Variants in MCPH1 observed in about 807,000 individuals in gnomAD.
MCPH1 encodes the protein microcephalin 1, also known as microcephalin.
In MCPH1, 104 loss-of-function variants were observed where a neutral mutation model predicts 84.5. That is an observed-to-expected ratio of 1.23 (90% CI 1.05 to 1.45). MCPH1 has a LOEUF of 1.45. Among genes scored for constraint, MCPH1 ranks in the 40% most tolerant of loss-of-function variants. The pLI is 0.00. For synonymous variants in MCPH1, 514 were observed against 366.8 expected, an observed-to-expected ratio of 1.40 and a Z score of -4.58; for missense variants, 1,498 against 1,005.7, an observed-to-expected ratio of 1.49 and a Z score of -6.62.
chr8:6,615,422 C>A (rs768368818), intron 12 of MCPH1, among the ~76,000 whole-genome samples: 1 of 152,186 alleles, frequency 6.6e-6, no homozygotes, highest in African/African-American at 2.4e-5. Context: ...GTTCACTTAA[C>A]GACACAACGA....
chr8:6,516,695 C>T (rs929304633), intron 12 of MCPH1, among the ~76,000 whole-genome samples: 1 of 152,164 alleles, frequency 6.6e-6, no homozygotes, highest in Non-Finnish European at 1.5e-5. Context: ...GAAGTTAATT[C>T]TGTATCCTAA....
intron 12 of MCPH1, among the ~76,000 whole-genome samples, chr8:6,559,340 C>T (rs866845573): frequency 4.6e-5 from 7 of 152,044 alleles, no homozygotes; most frequent in South Asian, 2.1e-4. Flanking sequence ...CTCCCAGTGA[C>T]GGCAGCTATG....
chr8:6,538,375 C>T (rs559721098), intron 12 of MCPH1, among the ~76,000 whole-genome samples: 4 of 152,366 alleles, frequency 2.6e-5, no homozygotes, highest in Admixed American at 2.6e-4. Context: ...CCCAGCTGCT[C>T]TCCTTTCATC....
intron 11 of MCPH1, among the ~76,000 whole-genome samples, chr8:6,483,620 C>G (rs560378832): frequency 6.6e-6 from 1 of 152,150 alleles, no homozygotes; most frequent in Non-Finnish European, 1.5e-5. Context: ...AAGGAACCTT[C>G]CCAACACTTT....
chr8:6,550,567 T>C (rs1384096768), intron 12 of MCPH1, among the ~76,000 whole-genome samples: 1 of 152,002 alleles, frequency 6.6e-6, no homozygotes, highest in Non-Finnish European at 1.5e-5. Context: ...GGGTGAGGGG[T>C]GTGCTTCTGG....
chr8:6,592,963 G>C (rs1828627264), intron 12 of MCPH1, among the ~76,000 whole-genome samples: 2 of 151,440 alleles, frequency 1.3e-5, no homozygotes, highest in South Asian at 2.1e-4. Flanking sequence ...CACCGTGCCA[G>C]GCCGGCTCTT....
intron 12 of MCPH1, chr8:6,532,619 T>C (rs1819740179): frequency 4.6e-6 from 3 of 657,276 alleles, no homozygotes; most frequent in Non-Finnish European, 6.8e-6. Context: ...TACCTTGCCT[T>C]CCTTTTGGAA....
intron 12 of MCPH1, among the ~76,000 whole-genome samples, chr8:6,515,040 C>G (rs1223202496): frequency 6.6e-6 from 1 of 152,190 alleles, no homozygotes; most frequent in African/African-American, 2.4e-5. Context: ...TTGTCATCAT[C>G]TGTTCCAGGC....
At chr8:6,423,692 C>G (rs1299964101) in intron 3 of MCPH1, among the ~76,000 whole-genome samples, 2 of 152,000 alleles carry the variant, frequency 1.3e-5, no homozygotes, top group Non-Finnish European at 2.9e-5. Context: ...ATAAATCTTT[C>G]CATAGGTTTA....
At chr8:6,501,874 G>T (rs1812264715) in intron 12 of MCPH1, 1 of 150,710 alleles carries the variant, frequency 6.6e-6, no homozygotes, top group African/African-American at 2.4e-5. Flanking sequence ...TCAAATTTTT[G>T]GTAAATATTT....
chr8:6,588,268 G>C (rs558962068), intron 12 of MCPH1, among the ~76,000 whole-genome samples: 1 of 152,134 alleles, frequency 6.6e-6, no homozygotes, highest in Non-Finnish European at 1.5e-5. Flanking sequence ...TCCAGAGCCA[G>C]GCCAGCCCAG....
chr8:6,426,416 C>T (rs2129553359), intron 3 of MCPH1, among the ~76,000 whole-genome samples: 1 of 152,324 alleles, frequency 6.6e-6, no homozygotes, highest in Non-Finnish European at 1.5e-5. Flanking sequence ...GTCACCAATT[C>T]TGGGGCTTCA....
chr8:6,627,343 G>A (rs1177678808), intron 13 of MCPH1: 5 of 959,284 alleles, frequency 5.2e-6, no homozygotes, highest in Admixed American at 6.2e-5. Flanking sequence ...GAGTGAGGAC[G>A]GGGACTGCCC....
intron 13 of MCPH1, among the ~76,000 whole-genome samples, chr8:6,640,527 G>A (rs144784445): frequency 6.6e-4 from 101 of 152,282 alleles, no homozygotes; most frequent in African/African-American, 2.4e-3. Flanking sequence ...TCCCTTAACT[G>A]TTTTGAAATT....
chr8:6,556,372 C>T (rs1824608588), intron 12 of MCPH1, among the ~76,000 whole-genome samples: 1 of 152,112 alleles, frequency 6.6e-6, no homozygotes, highest in Non-Finnish European at 1.5e-5. Context: ...ATAGGAATAG[C>T]AACCATTGAG....
chr8:6,461,325 CTTTT>C (rs11419705), intron 9 of MCPH1, among the ~76,000 whole-genome samples: 2 of 110,998 alleles, frequency 1.8e-5, no homozygotes, highest in Non-Finnish European at 1.7e-5. Context: ...TTTGTTGAGA[CTTTT>C]TTTTTTTTTT....
At chr8:6,478,038 T>C (rs895190526) in intron 10 of MCPH1, among the ~76,000 whole-genome samples, 1 of 152,238 alleles carries the variant, frequency 6.6e-6, no homozygotes, top group African/African-American at 2.4e-5. Flanking sequence ...AATAGCTTGT[T>C]GGCATGCTCT....
intron 12 of MCPH1, among the ~76,000 whole-genome samples, chr8:6,522,734 A>T (rs989945430): frequency 3.3e-5 from 5 of 151,668 alleles, no homozygotes; most frequent in African/African-American, 1.2e-4. Flanking sequence ...AGATTATGCC[A>T]TTGCACTCCA....
intron 12 of MCPH1, chr8:6,521,364 G>A: frequency 6.2e-7 from 1 of 1,613,510 alleles, no homozygotes; most frequent in Non-Finnish European, 8.5e-7. Context: ...GACTGTAGTT[G>A]GATGATGTGC....
Sources: allele counts gnomAD v4.1 joint callset (sites outside exome capture counted in the v4.1 genomes callset), GRCh38; gene constraint gnomAD v4.1.1; transcripts MANE v1.5; gene names NCBI Gene and HGNC (gene_info 2026-07-23, HGNC 2026-07-21).